GSTA1: variants seen among roughly 807,000 people sequenced by gnomAD.
GSTA1 encodes the protein glutathione S-transferase A1.
In GSTA1, 23 loss-of-function variants were observed where a neutral mutation model predicts 21.5. That is an observed-to-expected ratio of 1.07 (90% CI 0.77 to 1.52). The LOEUF is 1.52. GSTA1 is among the 40% of genes most tolerant of loss of function. The pLI, the probability that GSTA1 is intolerant of heterozygous loss-of-function variation, is 0.00. For synonymous variants in GSTA1, 125 were observed against 90.0 expected, an observed-to-expected ratio of 1.39 and a Z score of -2.20; for missense variants, 301 against 264.2, an observed-to-expected ratio of 1.14 and a Z score of -0.96.
At chr6:52,801,097 T>G (rs1234064962) in intron 1 of GSTA1, among the ~76,000 whole-genome samples, 1 of 152,130 alleles carries the variant, frequency 6.6e-6, no homozygotes, top group Non-Finnish European at 1.5e-5. Flanking sequence ...GACAGTCTGG[T>G]CTGGAACGCC....
chr6:52,796,256 C>T lies in GSTA1; in HGVS notation c.198G>A (p.Val66=). 1 of 1,613,834 alleles carries T rather than the reference C, an allele frequency of 6.2e-7. No homozygotes were observed. Among genetic ancestry groups the T allele is most frequent in the Non-Finnish European group, 8.5e-7 (1 of 1,179,968 alleles). The change falls in exon 4 of 7, where the codon GTG becomes GTA. Residue 66 remains valine, a synonymous_variant. Transcript: ENST00000334575. The part of the protein sequence containing the change: ...PMVEIDGMKL[V]QTRAILNYIA... ...TGTAGTTGAGAATGGCTCTGGTCTGCACCAGCTTCATCCCATCAATCTCAA... is the reference window on the plus strand; with the variant it reads ...TGTAGTTGAGAATGGCTCTGGTCTGTACCAGCTTCATCCCATCAATCTCAA...
At chr6:52,799,683 A>T (rs1763668011) in intron 1 of GSTA1, among the ~76,000 whole-genome samples, 1 of 152,244 alleles carries the variant, frequency 6.6e-6, no homozygotes, top group Admixed American at 6.5e-5. Context: ...CCCTCCTTAT[A>T]GTCCCGTGAA....
chr6:52,802,715 C>T (rs1333364387), intron 1 of GSTA1, among the ~76,000 whole-genome samples: 1 of 152,188 alleles, frequency 6.6e-6, no homozygotes, highest in Non-Finnish European at 1.5e-5. Flanking sequence ...TCTTTGTAAT[C>T]TGTCTCTTCA....
chr6:52,800,873 GTATT>G (rs1242603124), intron 1 of GSTA1, among the ~76,000 whole-genome samples: 1 of 151,980 alleles, frequency 6.6e-6, no homozygotes, highest in Non-Finnish European at 1.5e-5. Flanking sequence ...AACAACTAAT[GTATT>G]TATTTATTTA....
At position 52,796,266 on chromosome 6, in the gene GSTA1, A is replaced by T; in HGVS notation, c.188T>A (p.Met63Lys). Residue 63 changes from methionine (M) to lysine (K), a missense_variant, in exon 4 of 7, where the codon ATG (methionine) becomes AAG (lysine). Met to Lys is a moderately conservative substitution (Grantham distance 95). Coordinates refer to ENST00000334575, the MANE Select transcript of GSTA1 (RefSeq NM_145740.5). ...AATGGCTCTGGTCTGCACCAGCTTC[A>T]TCCCATCAATCTCAACCATTGGCAC... is the stretch of plus-strand genomic sequence containing the variant. ...QQVPMVEIDGMKLVQTRAILN... is the reference protein window; with the variant it reads ...QQVPMVEIDGKKLVQTRAILN... 1.2e-6 allele frequency: 2 copies of T among 1,613,810 alleles called. No individual in the cohort carries two copies. The highest frequency in any genetic ancestry group is 1.7e-6 in the Non-Finnish European group (2 of 1,179,980).
Position 52,792,908 on chromosome 6 carries a change from T to C in GSTA1, c.494A>G (p.Tyr165Cys), listed in dbSNP as rs758070572. 1.2e-6 allele frequency: 2 copies of C among 1,614,084 alleles called. No individual in the cohort carries two copies. Among genetic ancestry groups the C allele is most frequent in the African/African-American group, 1.3e-5 (1 of 75,014 alleles). The stretch of plus-strand genomic sequence containing the variant: ...ACTGGAGTCAAGCTCCTCGACGTAG[T>C]AGAGAAGTTCCACCAGATGAATGTC... ...RADIHLVELL[Y>C]YVEELDSSLI... Residue 165 changes from tyrosine to cysteine, a missense_variant, in exon 6 of 7, where the codon TAC (tyrosine) becomes TGC (cysteine). By Grantham distance (194) the Tyr-to-Cys change is radical. Coordinates refer to ENST00000334575, the MANE Select transcript of GSTA1 (RefSeq NM_145740.5).
chr6:52,796,321 A>G lies in GSTA1; in HGVS notation c.140-7T>C, dbSNP rs745640770. 2.6e-5 allele frequency: 42 copies of G among 1,613,592 alleles called. 2 individuals are homozygous for G. The highest frequency in any genetic ancestry group is 8.0e-5 in the African/African-American group (6 of 74,746). ...TGGAACATCAAATATCCATCTTTAG[A>G]AGGAAGAAAAAAAAGGAGAGTGAAG... On this transcript the variant is annotated splice_polypyrimidine_tract_variant and splice_region_variant and intron_variant, in intron 3 of 6. Transcript: ENST00000334575.
intron 1 of GSTA1, among the ~76,000 whole-genome samples, chr6:52,799,849 C>T (rs1314646055): frequency 6.6e-6 from 1 of 152,114 alleles, no homozygotes; most frequent in Non-Finnish European, 1.5e-5. Flanking sequence ...CCCTGGGAAC[C>T]CATGAACTGG....
intron 2 of GSTA1, among the ~76,000 whole-genome samples, chr6:52,798,225 G>A (rs1052702941): frequency 1.3e-5 from 2 of 151,878 alleles, no homozygotes; most frequent in Non-Finnish European, 2.9e-5. Context: ...AAAGGAATTA[G>A]GGTCCCACAC....
intron 3 of GSTA1, among the ~76,000 whole-genome samples, chr6:52,797,061 C>G (rs761283996): frequency 5.3e-5 from 8 of 152,056 alleles, no homozygotes; most frequent in Non-Finnish European, 8.8e-5. Flanking sequence ...ACAGGAAGTT[C>G]CCAGAGTAAG....
intron 5 of GSTA1, among the ~76,000 whole-genome samples, chr6:52,793,694 C>G (rs115656197): frequency 6.6e-6 from 1 of 152,166 alleles, no homozygotes; most frequent in Admixed American, 6.5e-5. Flanking sequence ...ATCCCTGAAA[C>G]GCTACAGTAT....
chr6:52,801,282 GA>G (rs1159663839), intron 1 of GSTA1, among the ~76,000 whole-genome samples: 1 of 152,184 alleles, frequency 6.6e-6, no homozygotes, highest in African/African-American at 2.4e-5. Flanking sequence ...TTAACCTTTG[GA>G]AAGTAAAGAA....
At chr6:52,794,289 T>G in intron 4 of GSTA1, 23 bp from the exon 5 acceptor site, 1 of 1,601,986 alleles carries the variant, frequency 6.2e-7, no homozygotes, top group South Asian at 1.1e-5. Context: ...AACAACCAAA[T>G]GGTCAAATAC....
intron 5 of GSTA1, among the ~76,000 whole-genome samples, 177 bp downstream of exon 5, chr6:52,793,948 A>G (rs966026364): frequency 2.0e-5 from 3 of 152,202 alleles, no homozygotes; most frequent in Non-Finnish European, 4.4e-5. Context: ...TTGGGTATAA[A>G]TGATACAATT....
intron 1 of GSTA1, among the ~76,000 whole-genome samples, chr6:52,800,536 A>C (rs1324805197): frequency 6.6e-6 from 1 of 152,240 alleles, no homozygotes; most frequent in Non-Finnish European, 1.5e-5. Flanking sequence ...GTGCATGCTC[A>C]CTTGCTCATT....
At chr6:52,796,815 C>G (rs1763602169) in intron 3 of GSTA1, among the ~76,000 whole-genome samples, 2 of 151,898 alleles carry the variant, frequency 1.3e-5, no homozygotes, top group African/African-American at 4.8e-5. Context: ...ACTGGGATTA[C>G]AGGCATGAGC....
chr6:52,797,046 T>A lies in GSTA1; in HGVS notation c.139+540A>T, dbSNP rs890619128. On this transcript the variant is annotated intron_variant, in intron 3 of 6. Transcript: ENST00000334575. ...AATAGGACTGGCAACAAGATGCCAT[T>A]TAAAACAGGAAGTTCCCAGAGTAAG... Among the ~76,000 whole-genome samples the A allele has an allele frequency of 8.5e-5, 13 of 152,162 alleles. 1 individual carries two copies. Among genetic ancestry groups the A allele is most frequent in the Non-Finnish European group, 1.6e-4 (11 of 68,018 alleles).
At chr6:52,799,141 A>G (rs1763651885) in intron 2 of GSTA1, 40 bp downstream of exon 2, 1 of 1,582,052 alleles carries the variant, frequency 6.3e-7, no homozygotes, top group South Asian at 1.1e-5. Context: ...TGATAACACA[A>G]TTTTAAATCC....
intron 1 of GSTA1, among the ~76,000 whole-genome samples, chr6:52,800,409 A>G (rs1763687840): frequency 6.6e-6 from 1 of 152,250 alleles, no homozygotes; most frequent in South Asian, 2.1e-4. Flanking sequence ...TACTTTTAAA[A>G]ATAAAATAGA....
Sources: gnomAD v4.1 joint callset for allele counts (sites outside exome capture counted in the v4.1 genomes callset) on GRCh38, gnomAD v4.1.1 for gene constraint, MANE v1.5 for transcripts, NCBI Gene and HGNC (gene_info 2026-07-23, HGNC 2026-07-21) for gene names.